Variants in HP1BP3 observed in about 807,000 individuals in gnomAD.
HP1BP3 encodes heterochromatin protein 1 binding protein 3, also known as heterochromatin protein 1-binding protein 3.
HP1BP3 carries 12 observed loss-of-function variants against 62.5 expected under a neutral mutation model. That is an observed-to-expected ratio of 0.19 (90% CI 0.12 to 0.31). The LOEUF (loss-of-function observed/expected upper bound fraction) is 0.31, where lower values mean the gene tolerates loss of function less well. Ranked by LOEUF, HP1BP3 falls within the 10% of genes least tolerant of loss-of-function variation. The probability of loss-of-function intolerance (pLI) is 1.00; values close to 1 mark genes in which losing one functional copy is unlikely to be tolerated. For synonymous variants in HP1BP3, 260 were observed against 237.8 expected, an observed-to-expected ratio of 1.09 and a Z score of -0.86; for missense variants, 502 against 651.8, an observed-to-expected ratio of 0.77 and a Z score of 2.50.
At position 20,780,331 on chromosome 1, in the gene HP1BP3, G is replaced by A; in HGVS notation, c.96+14C>T. 1 of 1,586,154 alleles carries A rather than the reference G, an allele frequency of 6.3e-7. No individual in the cohort carries two copies. Among genetic ancestry groups the A allele is most frequent in the Non-Finnish European group, 8.7e-7 (1 of 1,154,484 alleles). Reference sequence around the variant, plus strand: ...TGATCCAAGAGTGAGCTTCAAGAATGTGTCAGCCCCTACCTCACCTAACTT... The same window carrying A: ...TGATCCAAGAGTGAGCTTCAAGAATATGTCAGCCCCTACCTCACCTAACTT... On this transcript the variant is annotated intron_variant, in intron 2 of 12. Transcript: ENST00000438032.
At chr1:20,780,272 CAAG>C (rs913927833) in intron 2 of HP1BP3, 70 bp downstream of exon 2, 10 of 1,072,320 alleles carry the variant, frequency 9.3e-6, no homozygotes, top group Non-Finnish European at 1.5e-5. Context: ...GAACATGTAC[CAAG>C]AAGGACCCAG....
intron 1 of HP1BP3, among the ~76,000 whole-genome samples, chr1:20,785,331 C>A (rs1421159480): frequency 1.3e-5 from 2 of 152,206 alleles, no homozygotes; most frequent in Admixed American, 1.3e-4. Flanking sequence ...AGGAGTTTAA[C>A]AACGTATTTC....
At chr1:20,747,773 C>CTGTA in intron 10 of HP1BP3, 118 bp from the exon 11 acceptor site, 1 of 637,410 alleles carries the variant, frequency 1.6e-6, no homozygotes, top group Non-Finnish European at 2.8e-6. Context: ...TTGACATACA[C>CTGTA]TAAGTGAATC....
chr1:20,748,153 C>T (rs1361361231), intron 10 of HP1BP3, among the ~76,000 whole-genome samples: 2 of 151,734 alleles, frequency 1.3e-5, no homozygotes, highest in African/African-American at 4.8e-5. Flanking sequence ...AGCACATAAA[C>T]AGCAGACCTA....
At chr1:20,787,027 G>A (rs2057875312) in intron 1 of HP1BP3, among the ~76,000 whole-genome samples, 168 bp downstream of exon 1, 1 of 151,986 alleles carries the variant, frequency 6.6e-6, no homozygotes, top group South Asian at 2.1e-4. Context: ...GCGGGGCGGA[G>A]CGGCCGGGTA....
In HP1BP3 at chr1:20,745,020, G is replaced by A. The variant is rs2055221113; in HGVS notation, c.1439C>T (p.Ala480Val). 1 of 1,614,068 alleles carries A rather than the reference G, an allele frequency of 6.2e-7. No homozygotes were observed. Among genetic ancestry groups the A allele is most frequent in the Non-Finnish European group, 8.5e-7 (1 of 1,180,040 alleles). ...CCGCTGGGCAGCTGAGACTTTAGGT[G>A]CAGGTTTGGACCCTCTCTGCTTCAC... ...ASVKQRGSKP[A>V]PKVSAAQRGK... Residue 480 changes from alanine to valine, a missense_variant, in exon 13 of 13, where the codon GCA becomes GTA. Transcript: ENST00000438032.
At chr1:20,787,124 C>G (rs1426824329) in intron 1 of HP1BP3, 71 bp downstream of exon 1, 3 of 151,672 alleles carry the variant, frequency 2.0e-5, no homozygotes, top group African/African-American at 7.3e-5. Flanking sequence ...GGCGAGCGGC[C>G]TCCGCCACTC....
intron 3 of HP1BP3, 70 bp downstream of exon 3, chr1:20,779,742 G>A: frequency 1.1e-6 from 1 of 912,788 alleles, no homozygotes; most frequent in Non-Finnish European, 1.6e-6. Flanking sequence ...AAGTTCAAAG[G>A]AATTTATGGG....
chr1:20,778,651 C>T (rs560195312), intron 3 of HP1BP3, among the ~76,000 whole-genome samples: 1 of 141,948 alleles, frequency 7.0e-6, no homozygotes, highest in South Asian at 2.1e-4. Flanking sequence ...TGCCTTAGGC[C>T]AGGGTGCCCA....
chr1:20,765,447 T>A lies in HP1BP3; in HGVS notation c.820A>T (p.Lys274Ter). 6.2e-7 allele frequency: 1 copy of A among 1,613,582 alleles called. No individual in the cohort carries two copies. Among genetic ancestry groups the A allele is most frequent in the East Asian group, 2.2e-5 (1 of 44,870 alleles). ...CTGATGAGACTGTAGGAAGCTTCTT[T>A]AGGTTCACAAAGGCGAGTAAAGGCC... Reference protein sequence around the residue: ...PLAFTRLCEPKEASYSLIRKY... With the variant: ...PLAFTRLCEP Residue 274 changes from lysine to a stop codon, truncating the protein, a stop_gained, in exon 8 of 13, where the codon AAA becomes TAA. Coordinates refer to ENST00000438032, the MANE Select transcript of HP1BP3 (RefSeq NM_001372052.1). LOFTEE classifies it high-confidence loss of function.
At chr1:20,783,391 C>T (rs902382445) in intron 1 of HP1BP3, among the ~76,000 whole-genome samples, 1 of 151,986 alleles carries the variant, frequency 6.6e-6, no homozygotes, top group Non-Finnish European at 1.5e-5. Flanking sequence ...CTGTGGTGTA[C>T]ACCTGTAGTC....
At position 20,749,705 on chromosome 1, in the gene HP1BP3, T is replaced by G; in HGVS notation, c.1141+18A>C. ...AAATTCTCCTAATCCCAGTTAAATA[T>G]ACACAACCGAGTCTTACTTTGATAG... is the stretch of plus-strand genomic sequence containing the variant. On this transcript the variant is annotated intron_variant, in intron 10 of 12. Transcript: ENST00000438032. 1 of 1,600,164 alleles carries G rather than the reference T, an allele frequency of 6.2e-7. No homozygotes were observed. The highest frequency in any genetic ancestry group is 8.5e-7 in the Non-Finnish European group (1 of 1,173,842).
chr1:20,762,209 G>A (rs2056523108), intron 8 of HP1BP3, among the ~76,000 whole-genome samples: 1 of 152,062 alleles, frequency 6.6e-6, no homozygotes, highest in South Asian at 2.1e-4. Flanking sequence ...AGAGAAAAAA[G>A]TTTCAATGGA....
At chr1:20,783,106 T>C (rs902330593) in intron 1 of HP1BP3, among the ~76,000 whole-genome samples, 2 of 126,992 alleles carry the variant, frequency 1.6e-5, no homozygotes. Flanking sequence ...AGTAAGACCT[T>C]GGCTCAATAA....
rs149468462 is a variant in HP1BP3, at chr1:20,751,029, C to A, written c.982-1147G>T. Reference sequence around the variant, plus strand: ...ACACGGTTTCACCATGTTGGCCAGGCTAGTCTCGAACTCCAGACCTCAGGA... The same window carrying A: ...ACACGGTTTCACCATGTTGGCCAGGATAGTCTCGAACTCCAGACCTCAGGA... On this transcript the variant is annotated intron_variant, in intron 9 of 12. Transcript: ENST00000438032. 3.1e-3 allele frequency among the ~76,000 whole-genome samples: 476 copies of A among 151,978 alleles called. 2 individuals are homozygous for A. Among genetic ancestry groups the A allele is most frequent in the African/African-American group, 0.011 (448 of 41,434 alleles).
intron 8 of HP1BP3, 116 bp from the exon 9 acceptor site, chr1:20,757,372 A>ATTTTT: frequency 6.0e-6 from 2 of 334,172 alleles, no homozygotes; most frequent in Non-Finnish European, 9.8e-6. Context: ...TATTATTATT[A>ATTTTT]TTTTTTTTTT....
chr1:20,783,229 G>A (rs1318358709), intron 1 of HP1BP3, among the ~76,000 whole-genome samples: 1 of 152,012 alleles, frequency 6.6e-6, no homozygotes, highest in Non-Finnish European at 1.5e-5. Flanking sequence ...TAAATATTAA[G>A]AGACGTTAGG....
Position 20,742,376 on chromosome 1 carries a change from T to C in HP1BP3, c.*2421A>G, listed in dbSNP as rs1390303737. ...CTGTAATTTTTTCTAGTCCAAGGAC[T>C]TATCTGAATATTGAACATTTATTGA... On this transcript the variant is annotated 3_prime_UTR_variant, in exon 13 of 13. Coordinates refer to ENST00000438032, the MANE Select transcript of HP1BP3 (RefSeq NM_001372052.1). Among the ~76,000 whole-genome samples the C allele has an allele frequency of 6.6e-6, 1 of 152,236 alleles. No homozygotes were observed. The highest frequency in any genetic ancestry group is 1.5e-5 in the Non-Finnish European group (1 of 68,036).
At chr1:20,786,764 T>TG (rs1557683517) in intron 1 of HP1BP3, 1 of 150,468 alleles carries the variant, frequency 6.6e-6, no homozygotes, top group African/African-American at 2.5e-5. Context: ...GCTGAGGGAG[T>TG]GGGGTGAGGG....
Sources: allele counts gnomAD v4.1 joint callset (sites outside exome capture counted in the v4.1 genomes callset), GRCh38; gene constraint gnomAD v4.1.1; transcripts MANE v1.5; gene names NCBI Gene and HGNC (gene_info 2026-07-23, HGNC 2026-07-21).